The following SRBD1 variants were observed in gnomAD, a reference collection of about 807,000 sequenced individuals.
SRBD1 encodes the protein S1 RNA binding domain 1, also known as S1 RNA-binding domain-containing protein 1.
In SRBD1, 88 loss-of-function variants were observed where a neutral mutation model predicts 115.3. That is an observed-to-expected ratio of 0.76 (90% CI 0.64 to 0.91). SRBD1 has a LOEUF of 0.91. Among genes scored for constraint, SRBD1 ranks in the 40% least tolerant of loss-of-function variants. The pLI is 0.00. For missense variants in SRBD1, 1,385 were observed against 1,177.4 expected (o/e 1.18, Z -2.58); for synonymous variants, 509 against 407.7 (o/e 1.25, Z -2.99).
intron 16 of SRBD1, among the ~76,000 whole-genome samples, chr2:45,470,321 T>C (rs946665557): frequency 6.6e-6 from 1 of 152,136 alleles, no homozygotes; most frequent in Non-Finnish European, 1.5e-5. Flanking sequence ...CTGTGAAAAA[T>C]TTCCGCTGGG....
Position 45,390,988 on chromosome 2 carries a change from G to C in SRBD1, c.2699-1389C>G, listed in dbSNP as rs2103810271. Among the ~76,000 whole-genome samples the C allele has an allele frequency of 1.3e-5, 2 of 152,252 alleles. 1 individual carries two copies. On this transcript the variant is annotated intron_variant, in intron 20 of 20. Transcript: ENST00000263736. ...GCTAAGGCTGTGTCAAAGCAAAGTG[G>C]AACTAAGTCACTGATCAGGGGCAGA... is the stretch of plus-strand genomic sequence containing the variant.
At chr2:45,508,505 T>C (rs1670864903) in intron 14 of SRBD1, among the ~76,000 whole-genome samples, 1 of 152,228 alleles carries the variant, frequency 6.6e-6, no homozygotes, top group African/African-American at 2.4e-5. Flanking sequence ...ATGACAGGAC[T>C]CCAGTGAATT....
intron 14 of SRBD1, among the ~76,000 whole-genome samples, chr2:45,531,913 G>C (rs1370040822): frequency 2.0e-5 from 3 of 151,794 alleles, no homozygotes; most frequent in Admixed American, 6.6e-5. Context: ...CTCTGAATAA[G>C]ATACTGACAC....
intron 5 of SRBD1, 110 bp from the exon 6 acceptor site, chr2:45,581,920 GTC>G (rs10611303): frequency 0.048 from 37,335 of 772,998 alleles, 1,916 homozygotes; most frequent in African/African-American, 0.21. Flanking sequence ...GAACTTTATT[GTC>G]TCTGAACTGT....
chr2:45,486,546 T>C (rs1249375485), intron 15 of SRBD1, among the ~76,000 whole-genome samples: 1 of 151,852 alleles, frequency 6.6e-6, no homozygotes, highest in Non-Finnish European at 1.5e-5. Context: ...GTTAACATGG[T>C]GAAACCTCGT....
chr2:45,587,086 A>AT (rs1227296473), intron 4 of SRBD1, among the ~76,000 whole-genome samples: 1 of 130,892 alleles, frequency 7.6e-6, no homozygotes, highest in South Asian at 2.2e-4. Context: ...AATATTTAAA[A>AT]TTTTTTAAAT....
chr2:45,530,162 T>C (rs889388700), intron 14 of SRBD1, among the ~76,000 whole-genome samples: 1 of 151,986 alleles, frequency 6.6e-6, no homozygotes, highest in Non-Finnish European at 1.5e-5. Context: ...TTCAGGTAAA[T>C]GGACTAATTG....
intron 4 of SRBD1, among the ~76,000 whole-genome samples, chr2:45,588,375 C>A (rs995045174): frequency 1.3e-5 from 2 of 152,194 alleles, no homozygotes; most frequent in African/African-American, 4.8e-5. Flanking sequence ...CTTAAGAGGC[C>A]TTCATGAGGC....
chr2:45,572,899 T>C (rs1350667203), intron 9 of SRBD1, among the ~76,000 whole-genome samples: 2 of 152,108 alleles, frequency 1.3e-5, no homozygotes, highest in Non-Finnish European at 2.9e-5. Flanking sequence ...AGATCCAGAA[T>C]TGAGCTCAAA....
In SRBD1 at chr2:45,538,331, C is replaced by CTCCA. The variant is rs570854132; in HGVS notation, c.1874+8397_1874+8400dup. 2.5e-3 allele frequency among the ~76,000 whole-genome samples: 380 copies of CTCCA among 152,294 alleles called. 5 individuals are homozygous for CTCCA. The highest frequency in any genetic ancestry group is 8.6e-3 in the African/African-American group (359 of 41,570). On this transcript the variant is annotated intron_variant, in intron 14 of 20. Coordinates refer to ENST00000263736, the MANE Select transcript of SRBD1 (RefSeq NM_018079.5). ...GACCATGCTCTTTTTTCCCATGCTA[C>CTCCA]TCCACTCTGAGGACTAAACTTAGAG...
chr2:45,416,929 C>T (rs1212286888), intron 18 of SRBD1, among the ~76,000 whole-genome samples: 1 of 152,102 alleles, frequency 6.6e-6, no homozygotes, highest in African/African-American at 2.4e-5. Context: ...CAGGTGAGCA[C>T]CACCATGCTC....
At chr2:45,477,425 C>T (rs934014299) in intron 15 of SRBD1, among the ~76,000 whole-genome samples, 6 of 152,178 alleles carry the variant, frequency 3.9e-5, no homozygotes, top group African/African-American at 1.4e-4. Flanking sequence ...CCTCATGCTT[C>T]ACAGAGGAAG....
intron 2 of SRBD1, among the ~76,000 whole-genome samples, chr2:45,602,911 G>A (rs1207946501): frequency 4.6e-5 from 7 of 152,166 alleles, no homozygotes; most frequent in Non-Finnish European, 8.8e-5. Flanking sequence ...TTATGCTCTA[G>A]AAGAGAATAA....
intron 9 of SRBD1, among the ~76,000 whole-genome samples, chr2:45,566,704 ACT>A (rs1255495796): frequency 2.0e-5 from 3 of 152,170 alleles, no homozygotes; most frequent in African/African-American, 7.2e-5. Context: ...AAATTAAAAC[ACT>A]CTTTTCTTAA....
chr2:45,463,027 G>C (rs1199240480), intron 16 of SRBD1, among the ~76,000 whole-genome samples: 3 of 143,660 alleles, frequency 2.1e-5, no homozygotes, highest in Non-Finnish European at 3.0e-5. Flanking sequence ...CGGGGGGGGG[G>C]GGGGAAATCT....
At chr2:45,488,355 T>C (rs1670184721) in intron 14 of SRBD1, 24 bp from the exon 15 acceptor site, 6 of 1,599,816 alleles carry the variant, frequency 3.8e-6, no homozygotes, top group Non-Finnish European at 4.3e-6. Flanking sequence ...AAAAGGGGAA[T>C]ATCACTTTCC....
intron 16 of SRBD1, among the ~76,000 whole-genome samples, chr2:45,426,163 G>A (rs1572627807): frequency 2.0e-5 from 3 of 152,252 alleles, no homozygotes; most frequent in Admixed American, 1.3e-4. Flanking sequence ...GCTTGGTGGG[G>A]GGAGAGGCAC....
Position 45,599,575 on chromosome 2 carries a change from A to G in SRBD1, c.522T>C (p.Phe174=), listed in dbSNP as rs1211243820. Residue 174 remains phenylalanine, a synonymous_variant, in exon 4 of 21, where the codon TTT becomes TTC. Transcript: ENST00000263736. ...TCTTTAAAGCGGACTGACCAAATGT[A>G]AAGTCATCGTCATTCTCTTCCTTCT... is the stretch of plus-strand genomic sequence containing the variant. ...TCKKEENDDD[F]TFGQSALKKI... 1 of 1,614,184 alleles carries G rather than the reference A, an allele frequency of 6.2e-7. No individual in the cohort carries two copies. The highest frequency in any genetic ancestry group is 2.2e-5 in the East Asian group (1 of 44,880).
At chr2:45,596,988 T>TCACA (rs36095012) in intron 4 of SRBD1, among the ~76,000 whole-genome samples, 12,897 of 140,824 alleles carry the variant, frequency 0.092, 693 homozygotes, top group East Asian at 0.15. Flanking sequence ...CCCACAACCC[T>TCACA]CACACACACA....
Sources: allele counts gnomAD v4.1 joint callset (sites outside exome capture counted in the v4.1 genomes callset), GRCh38; gene constraint gnomAD v4.1.1; transcripts MANE v1.5; gene names NCBI Gene and HGNC (gene_info 2026-07-23, HGNC 2026-07-21).